The following S100A8 variants were observed in gnomAD, a reference collection of about 807,000 sequenced individuals.
The protein encoded by S100A8 is protein S100-A8.
A neutral mutation model predicts 4.2 loss-of-function variants in S100A8; 1 was observed. The ratio of observed to expected loss-of-function variants is 0.24; its 90% CI spans 0.08 to 1.12. The LOEUF (loss-of-function observed/expected upper bound fraction) is 1.12, where lower values mean the gene tolerates loss of function less well. S100A8 is among the 50% of genes most tolerant of loss of function. The probability of loss-of-function intolerance (pLI) is 0.53; values close to 1 mark genes in which losing one functional copy is unlikely to be tolerated. For synonymous variants in S100A8, 41 were observed against 44.7 expected (o/e 0.92, Z 0.33); for missense variants, 96 against 111.8 (o/e 0.86, Z 0.64).
chr1:153,406,027 T>G, the S100A8 span, among the ~76,000 whole-genome samples: 52 of 135,744 alleles, frequency 3.8e-4, 1 homozygote, highest in Admixed American at 1.4e-3. Flanking sequence ...CTGGCTGTCT[T>G]GGAACATTCC....
chr1:153,395,409 C>T (rs536216369), upstream of S100A8, among the ~76,000 whole-genome samples: 1 of 152,296 alleles, frequency 6.6e-6, no homozygotes, highest in Admixed American at 6.5e-5. Context: ...CCATGCCAAT[C>T]GCCAGCACCT....
the S100A8 span, among the ~76,000 whole-genome samples, chr1:153,409,534 C>G: frequency 1.3e-5 from 2 of 152,322 alleles, no homozygotes; most frequent in South Asian, 4.1e-4. Context: ...TAATGGGAGA[C>G]TTTAATACCC....
At chr1:153,419,401 A>G in the S100A8 span, 12 of 1,392,564 alleles carry the variant, frequency 8.6e-6, no homozygotes, top group Non-Finnish European at 1.1e-5. Flanking sequence ...CTCTTTGGTG[A>G]CCTACATTGT....
the S100A8 span, among the ~76,000 whole-genome samples, chr1:153,399,759 G>T: frequency 1.3e-5 from 2 of 152,118 alleles, no homozygotes; most frequent in African/African-American, 4.8e-5. Flanking sequence ...GAGTTGGGGG[G>T]GACTTCCTTA....
At chr1:153,404,906 A>C in the S100A8 span, among the ~76,000 whole-genome samples, 2 of 151,996 alleles carry the variant, frequency 1.3e-5, no homozygotes, top group Non-Finnish European at 2.9e-5. Flanking sequence ...AACCAGGGCG[A>C]GGTGGGTGCT....
the S100A8 span, among the ~76,000 whole-genome samples, chr1:153,410,931 C>G: frequency 1.3e-5 from 2 of 152,124 alleles, no homozygotes; most frequent in Non-Finnish European, 2.9e-5. Flanking sequence ...ATTCAACAGC[C>G]CTTCATGCTA....
At position 153,390,203 on chromosome 1, in the gene S100A8, T is replaced by C. The variant is rs1373488083; in HGVS notation, c.182A>G (p.Asn61Ser). ...ADVWFKELDI[N>S]TDGAVNFQEF... is the part of the protein sequence containing the mutation. ...CTGGAAGTTAACTGCACCATCAGTG[T>C]TGATATCCAACTCTTTGAACCAGAC... The change falls in exon 3 of 3, where the codon AAC becomes AGC. Residue 61 changes from asparagine to serine, a missense_variant. Physicochemically the swap from Asn to Ser is conservative, Grantham distance 46. Transcript: ENST00000368733. 5.6e-6 allele frequency: 9 copies of C among 1,613,914 alleles called. No homozygotes were observed. Among genetic ancestry groups the C allele is most frequent in the Non-Finnish European group, 5.1e-6 (6 of 1,179,918 alleles).
At chr1:153,415,136 CTGTG>C in the S100A8 span, among the ~76,000 whole-genome samples, 29 of 151,290 alleles carry the variant, frequency 1.9e-4, no homozygotes, top group East Asian at 1.4e-3. Context: ...TAGTATTCGT[CTGTG>C]TGTGTGTGTA....
At chr1:153,400,131 A>G in the S100A8 span, among the ~76,000 whole-genome samples, 2 of 152,088 alleles carry the variant, frequency 1.3e-5, no homozygotes, top group Non-Finnish European at 2.9e-5. Flanking sequence ...CACAACCCCC[A>G]CTACCCATGG....
At chr1:153,395,219 C>T (rs1371908248), upstream of S100A8, among the ~76,000 whole-genome samples, 1 of 152,174 alleles carries the variant, frequency 6.6e-6, no homozygotes, top group African/African-American at 2.4e-5. Context: ...TTCTCTCCCT[C>T]AGGAAGCCTT....
the S100A8 span, chr1:153,417,927 A>G: frequency 1.0e-6 from 1 of 1,003,352 alleles, no homozygotes; most frequent in Non-Finnish European, 1.4e-6. Context: ...AACTTATCCC[A>G]TCACATTTAA....
chr1:153,400,276 G>A, the S100A8 span, among the ~76,000 whole-genome samples: 2 of 152,188 alleles, frequency 1.3e-5, no homozygotes, highest in East Asian at 1.9e-4. Flanking sequence ...CGACTGCAAT[G>A]TGGAAGTCAC....
At chr1:153,409,956 A>C in the S100A8 span, among the ~76,000 whole-genome samples, 1 of 152,236 alleles carries the variant, frequency 6.6e-6, no homozygotes, top group East Asian at 1.9e-4. Context: ...AACATACCAG[A>C]ATCTCTGGGA....
chr1:153,422,497 C>A, the S100A8 span: 1 of 984,288 alleles, frequency 1.0e-6, no homozygotes, highest in Non-Finnish European at 1.2e-6. Context: ...GAATACTTGA[C>A]AGCTCTATGC....
chr1:153,391,012 G>C (rs112418244), intron 1 of S100A8, 29 bp downstream of exon 1: 90 of 989,324 alleles, frequency 9.1e-5, no homozygotes, highest in South Asian at 9.0e-5. Context: ...AGCCCAAAGT[G>C]CGGGGCCAAC....
At chr1:153,398,761 C>T in the S100A8 span, among the ~76,000 whole-genome samples, 3 of 152,178 alleles carry the variant, frequency 2.0e-5, no homozygotes, top group South Asian at 2.1e-4. Context: ...GTAACCCTCA[C>T]GTGGGCCATA....
At chr1:153,408,768 C>T in the S100A8 span, among the ~76,000 whole-genome samples, 1 of 152,270 alleles carries the variant, frequency 6.6e-6, no homozygotes, top group African/African-American at 2.4e-5. Flanking sequence ...ATCACACTAA[C>T]AGAGGATCTC....
the S100A8 span, chr1:153,418,075 A>G: frequency 3.7e-5 from 60 of 1,613,382 alleles, 1 homozygote; most frequent in Non-Finnish European, 6.8e-6. Flanking sequence ...GGCTTTTTGA[A>G]AGCAAAGATG....
chr1:153,422,415 T>C, the S100A8 span: 1 of 712,356 alleles, frequency 1.4e-6, no homozygotes, highest in Non-Finnish European at 1.7e-6. Flanking sequence ...TTCTAACACA[T>C]ACTAGAGCAA....
Sources: allele counts gnomAD v4.1 joint callset (sites outside exome capture counted in the v4.1 genomes callset), GRCh38; gene constraint gnomAD v4.1.1; transcripts MANE v1.5; gene names NCBI Gene and HGNC (gene_info 2026-07-23, HGNC 2026-07-21).